Variants in C12orf42 observed in about 807,000 individuals in gnomAD.
C12orf42 encodes chromosome 12 open reading frame 42, also known as uncharacterized protein C12orf42.
A neutral mutation model predicts 21.6 loss-of-function variants in C12orf42; 25 were observed. The ratio of observed to expected loss-of-function variants is 1.16; its 90% confidence interval spans 0.84 to 1.62. The LOEUF is 1.62. Ranked by LOEUF, C12orf42 falls within the 40% of genes most tolerant of loss-of-function variation. C12orf42 has a pLI of 0.00. For synonymous variants in C12orf42, 174 were observed against 175.0 expected (o/e 0.99, Z 0.05); for missense variants, 483 against 459.3 (o/e 1.05, Z -0.47).
the C12orf42 span, among the ~76,000 whole-genome samples, chr12:103,053,301 G>A: frequency 6.6e-6 from 1 of 151,844 alleles, no homozygotes; most frequent in Non-Finnish European, 1.5e-5. Context: ...ATCACAAACA[G>A]GATATTGACA....
At chr12:103,251,654 T>C (rs2034310858) in intron 10 of C12orf42, among the ~76,000 whole-genome samples, 1 of 152,186 alleles carries the variant, frequency 6.6e-6, no homozygotes, top group Admixed American at 6.6e-5. Flanking sequence ...GAACATGGCC[T>C]GCATAGTATG....
At chr12:103,343,318 AT>A (rs1487465431) in intron 4 of C12orf42, among the ~76,000 whole-genome samples, 1 of 152,224 alleles carries the variant, frequency 6.6e-6, no homozygotes, top group Non-Finnish European at 1.5e-5. Flanking sequence ...CAAAATTAAA[AT>A]CTTCATTTAA....
At chr12:103,177,543 T>C in the C12orf42 span, among the ~76,000 whole-genome samples, 1 of 152,122 alleles carries the variant, frequency 6.6e-6, no homozygotes, top group African/African-American at 2.4e-5. Flanking sequence ...AGCCGTTCTA[T>C]ATGGGGGAAA....
the C12orf42 span, among the ~76,000 whole-genome samples, chr12:103,136,346 A>G: frequency 6.6e-6 from 1 of 152,172 alleles, no homozygotes; most frequent in Admixed American, 6.5e-5. Context: ...CCATAGAAAA[A>G]AACTACAAAA....
the C12orf42 span, among the ~76,000 whole-genome samples, chr12:103,052,907 T>C: frequency 6.6e-6 from 1 of 152,046 alleles, no homozygotes; most frequent in Non-Finnish European, 1.5e-5. Flanking sequence ...GAAAAGACAA[T>C]TCTTCCCTAA....
chr12:103,539,926 T>A, the C12orf42 span, among the ~76,000 whole-genome samples: 1 of 152,184 alleles, frequency 6.6e-6, no homozygotes. Context: ...AAAGGTGACA[T>A]GCTAAACGTA....
chr12:103,286,253 A>AAAAT (rs200130397), intron 4 of C12orf42, among the ~76,000 whole-genome samples: 13,023 of 145,918 alleles, frequency 0.089, 772 homozygotes, highest in African/African-American at 0.15. Flanking sequence ...TCCATCTCAA[A>AAAAT]AAATAAATAA....
At chr12:103,258,719 G>A (rs1370107158) in intron 10 of C12orf42, among the ~76,000 whole-genome samples, 3 of 151,726 alleles carry the variant, frequency 2.0e-5, no homozygotes, top group Non-Finnish European at 2.9e-5. Context: ...ATTCTTTCAG[G>A]GTACCTTTGC....
At chr12:103,502,542 T>C in the C12orf42 span, among the ~76,000 whole-genome samples, 1 of 152,092 alleles carries the variant, frequency 6.6e-6, no homozygotes, top group Admixed American at 6.5e-5. Flanking sequence ...GAACACTCTT[T>C]CCCAGGTTTT....
At chr12:103,217,973 C>G in the C12orf42 span, among the ~76,000 whole-genome samples, 5 of 152,114 alleles carry the variant, frequency 3.3e-5, no homozygotes, top group African/African-American at 1.2e-4. Context: ...CTCATCATCC[C>G]TTTTCACTTA....
At chr12:103,238,566 T>C (rs2033568964) in intron 10 of C12orf42, among the ~76,000 whole-genome samples, 1 of 152,070 alleles carries the variant, frequency 6.6e-6, no homozygotes, top group African/African-American at 2.4e-5. Flanking sequence ...GGAGTCCCAG[T>C]GGTAATTATT....
intron 3 of C12orf42, among the ~76,000 whole-genome samples, chr12:103,394,601 C>T (rs770323272): frequency 1.3e-5 from 2 of 152,140 alleles, no homozygotes; most frequent in African/African-American, 2.4e-5. Flanking sequence ...AACCATTGAA[C>T]ATAATTTTCA....
chr12:103,369,522 A>T (rs2044995595), intron 3 of C12orf42, among the ~76,000 whole-genome samples: 1 of 151,656 alleles, frequency 6.6e-6, no homozygotes. Flanking sequence ...CTTGGTTGAG[A>T]GTCATTCCAA....
chr12:103,053,074 G>C, the C12orf42 span, among the ~76,000 whole-genome samples: 2 of 151,848 alleles, frequency 1.3e-5, no homozygotes, highest in Non-Finnish European at 2.9e-5. Context: ...CTGAAGTTTA[G>C]GTTCCCTCAC....
intron 2 of C12orf42, among the ~76,000 whole-genome samples, chr12:103,455,984 A>G (rs1045472435): frequency 6.6e-6 from 1 of 152,092 alleles, no homozygotes; most frequent in African/African-American, 2.4e-5. Context: ...AGTTAAGGGA[A>G]GCAACTTCAT....
At chr12:103,478,310 TA>T (rs1186637648) in intron 2 of C12orf42, 38 bp downstream of exon 2, 13 of 1,402,860 alleles carry the variant, frequency 9.3e-6, no homozygotes, top group East Asian at 4.7e-5. Context: ...CCTATTAACC[TA>T]AAAAAAGTAA....
At chr12:103,166,076 A>AAG in the C12orf42 span, among the ~76,000 whole-genome samples, 7 of 150,814 alleles carry the variant, frequency 4.6e-5, no homozygotes, top group African/African-American at 1.7e-4. Context: ...AGAGAGAGAG[A>AAG]GAAGGAAGGA....
chr12:103,249,604 C>G (rs571552067), intron 10 of C12orf42, among the ~76,000 whole-genome samples: 1 of 152,210 alleles, frequency 6.6e-6, no homozygotes, highest in East Asian at 1.9e-4. Context: ...TATCCCATAT[C>G]TGTTTTCCCT....
the C12orf42 span, among the ~76,000 whole-genome samples, chr12:103,513,841 G>T: frequency 1.3e-5 from 2 of 151,910 alleles, no homozygotes; most frequent in Non-Finnish European, 2.9e-5. Flanking sequence ...ATGCATTTCA[G>T]TGAGGAAAAC....
Sources: allele counts gnomAD v4.1 joint callset (sites outside exome capture counted in the v4.1 genomes callset), GRCh38; gene constraint gnomAD v4.1.1; transcripts MANE v1.5; gene names NCBI Gene and HGNC (gene_info 2026-07-23, HGNC 2026-07-21).